NRCAM: variants seen among roughly 807,000 people sequenced by gnomAD.
The protein encoded by NRCAM is NgCAM-related cell adhesion molecule.
Under a neutral mutation model 156.5 loss-of-function variants are expected in NRCAM, and 83 were observed. The observed-to-expected ratio is 0.53, with a 90% CI of 0.44 to 0.64. The LOEUF is 0.64. NRCAM is among the 30% of genes least tolerant of loss of function. NRCAM has a pLI of 0.00. For missense variants in NRCAM, 1,417 were observed against 1,597.3 expected (o/e 0.89, Z 1.92); for synonymous variants, 538 against 563.9 (o/e 0.95, Z 0.65).
At chr7:108,369,018 C>T (rs2099612035) in intron 2 of NRCAM, among the ~76,000 whole-genome samples, 1 of 152,076 alleles carries the variant, frequency 6.6e-6, no homozygotes, top group Admixed American at 6.6e-5. Flanking sequence ...AGAAAATAAA[C>T]CTTATTAAAA....
intron 2 of NRCAM, among the ~76,000 whole-genome samples, chr7:108,387,986 C>T (rs2099746775): frequency 1.3e-5 from 2 of 152,114 alleles, no homozygotes; most frequent in South Asian, 4.2e-4. Context: ...GGTTCCAAGT[C>T]TTTGCTATTG....
At chr7:108,232,997 G>C (rs560418190) in intron 6 of NRCAM, among the ~76,000 whole-genome samples, 1 of 152,308 alleles carries the variant, frequency 6.6e-6, no homozygotes, top group Non-Finnish European at 1.5e-5. Flanking sequence ...AAATTGTGAA[G>C]TGTAGGTTGG....
intron 17 of NRCAM, among the ~76,000 whole-genome samples, chr7:108,192,552 C>T (rs62469177): frequency 3.3e-5 from 5 of 152,118 alleles, no homozygotes; most frequent in Non-Finnish European, 7.4e-5. Context: ...TTGGGGACCA[C>T]TGCTCTAGAG....
chr7:108,178,389 A>C, intron 25 of NRCAM: 1 of 456,286 alleles, frequency 2.2e-6, no homozygotes, highest in South Asian at 1.8e-5. Flanking sequence ...AATATTTTAA[A>C]AAGAGGCAGT....
intron 3 of NRCAM, among the ~76,000 whole-genome samples, chr7:108,257,038 G>A (rs1432217048): frequency 1.8e-4 from 18 of 100,918 alleles, no homozygotes; most frequent in Admixed American, 3.2e-4. Flanking sequence ...AAAAGAAAAA[G>A]AAAAGAAGGA....
intron 2 of NRCAM, among the ~76,000 whole-genome samples, chr7:108,321,667 C>T (rs994573955): frequency 5.3e-5 from 8 of 152,160 alleles, no homozygotes; most frequent in South Asian, 2.1e-4. Context: ...GAGGCCTCTA[C>T]GACCATCACT....
intron 3 of NRCAM, among the ~76,000 whole-genome samples, chr7:108,260,896 G>A (rs2096863594): frequency 6.6e-6 from 1 of 152,156 alleles, no homozygotes; most frequent in South Asian, 2.1e-4. Flanking sequence ...TTTATGTGGG[G>A]TGTTCTCATA....
intron 1 of NRCAM, among the ~76,000 whole-genome samples, chr7:108,411,691 G>A (rs936368323): frequency 3.9e-5 from 6 of 152,022 alleles, no homozygotes; most frequent in South Asian, 2.1e-4. Context: ...CACCACGCCC[G>A]GCTAATTTTT....
At chr7:108,359,487 T>C (rs2099533849) in intron 2 of NRCAM, among the ~76,000 whole-genome samples, 1 of 152,138 alleles carries the variant, frequency 6.6e-6, no homozygotes, top group Non-Finnish European at 1.5e-5. Context: ...AAGACATTCC[T>C]AACTAAAGAA....
Position 108,184,583 on chromosome 7 carries a change from G to C in NRCAM, c.2067C>G (p.His689Gln), listed in dbSNP as rs778822876. ...TTTGGTGGTGCCACAGCCCTGGCTT[G>C]TGCATTGCATCTTCATATTCGATGA... Reference protein sequence around the residue: ...KFIIEYEDAMHKPGLWHHQTE... With the variant: ...KFIIEYEDAMQKPGLWHHQTE... The change falls in exon 21 of 33, where the codon CAC becomes CAG. Residue 689 changes from histidine to glutamine, a missense_variant. By Grantham distance (24) the His-to-Gln change is conservative (BLOSUM62 0). Around this residue, in one of 2 missense-constraint regions of NRCAM, gnomAD observed 1,238 missense variants for 1,336.4 expected, o/e 0.93. Transcript: ENST00000379028. The C allele has an allele frequency of 1.9e-6, 3 of 1,613,446 alleles. No individual in the cohort carries two copies. Among genetic ancestry groups the C allele is most frequent in the Admixed American group, 3.3e-5 (2 of 60,000 alleles).
intron 5 of NRCAM, among the ~76,000 whole-genome samples, chr7:108,235,859 T>C (rs1216847115): frequency 6.6e-6 from 1 of 152,196 alleles, no homozygotes; most frequent in Non-Finnish European, 1.5e-5. Context: ...TGAAAAGTTC[T>C]GAGGCAGACG....
intron 3 of NRCAM, among the ~76,000 whole-genome samples, chr7:108,279,823 G>A (rs1010800088): frequency 6.6e-6 from 1 of 151,962 alleles, no homozygotes; most frequent in African/African-American, 2.4e-5. Context: ...GCCTCCTAAA[G>A]TGCTGAGAAA....
chr7:108,177,437 C>T (rs2061026473), intron 26 of NRCAM, among the ~76,000 whole-genome samples: 1 of 152,050 alleles, frequency 6.6e-6, no homozygotes, highest in Non-Finnish European at 1.5e-5. Flanking sequence ...TCCTGGCTAA[C>T]ATGGTGAAAC....
At chr7:108,218,210 CTGAG>C (rs2090492876) in intron 11 of NRCAM, among the ~76,000 whole-genome samples, 2 of 150,456 alleles carry the variant, frequency 1.3e-5, no homozygotes, top group African/African-American at 2.5e-5. Context: ...CTTGCACTTC[CTGAG>C]TGAGGTGACA....
chr7:108,277,011 T>C (rs1488012155), intron 3 of NRCAM, among the ~76,000 whole-genome samples: 1 of 152,196 alleles, frequency 6.6e-6, no homozygotes, highest in Non-Finnish European at 1.5e-5. Context: ...TTTGGCTGGA[T>C]ATGAAATTCT....
At chr7:108,239,914 G>A (rs765526440) in intron 4 of NRCAM, 45 bp downstream of exon 4, 2 of 1,174,964 alleles carry the variant, frequency 1.7e-6, no homozygotes, top group Non-Finnish European at 2.5e-6. Flanking sequence ...AATGCTGGGA[G>A]GCTTTGACTC....
intron 31 of NRCAM, among the ~76,000 whole-genome samples, chr7:108,159,940 C>T (rs1418011794): frequency 6.6e-6 from 1 of 151,938 alleles, no homozygotes; most frequent in Non-Finnish European, 1.5e-5. Context: ...ATTTAATGGG[C>T]CCACTAAATT....
chr7:108,422,521 T>G (rs1443737539), intron 1 of NRCAM, among the ~76,000 whole-genome samples: 1 of 152,184 alleles, frequency 6.6e-6, no homozygotes, highest in African/African-American at 2.4e-5. Flanking sequence ...ACGCAGAGTG[T>G]GTAATATAAA....
At chr7:108,269,890 T>C (rs1366737459) in intron 3 of NRCAM, among the ~76,000 whole-genome samples, 4 of 152,240 alleles carry the variant, frequency 2.6e-5, no homozygotes, top group Non-Finnish European at 5.9e-5. Flanking sequence ...TTTCTAGCCA[T>C]GTAAAAGGTT....
Sources: gnomAD v4.1 joint callset for allele counts (sites outside exome capture counted in the v4.1 genomes callset) on GRCh38, gnomAD v4.1.1 for gene constraint, gnomAD v4.1.1 regional missense constraint, MANE v1.5 for transcripts, NCBI Gene and HGNC (gene_info 2026-07-23, HGNC 2026-07-21) for gene names.